The following CCDC150 variants were observed in gnomAD, a reference collection of about 807,000 sequenced individuals.
CCDC150 encodes coiled-coil domain-containing protein 150.
A neutral mutation model predicts 156.5 loss-of-function variants in CCDC150; 151 were observed. The observed-to-expected ratio is 0.97, with a 90% CI of 0.85 to 1.10. The LOEUF (loss-of-function observed/expected upper bound fraction) is 1.10, where lower values mean the gene tolerates loss of function less well. Among genes scored for constraint, CCDC150 ranks in the 50% least tolerant of loss-of-function variants. The pLI, the probability that CCDC150 is intolerant of heterozygous loss-of-function variation, is 0.00. For missense variants in CCDC150, 1,312 were observed against 1,268.1 expected, an observed-to-expected ratio of 1.03 and a Z score of -0.53; for synonymous variants, 452 against 429.4, an observed-to-expected ratio of 1.05 and a Z score of -0.65.
At chr2:196,714,224 G>A (rs924347532) in intron 17 of CCDC150, among the ~76,000 whole-genome samples, 2 of 152,206 alleles carry the variant, frequency 1.3e-5, no homozygotes, top group African/African-American at 4.8e-5. Flanking sequence ...AGGAAGCAGC[G>A]AAAGCAGGGA....
chr2:196,688,492 T>G (rs965552213), intron 13 of CCDC150, among the ~76,000 whole-genome samples: 2 of 152,202 alleles, frequency 1.3e-5, no homozygotes, highest in Non-Finnish European at 2.9e-5. Flanking sequence ...TAAGAAGCTT[T>G]GGGGCTGAGG....
At chr2:196,672,710 G>T (rs150728400) in intron 9 of CCDC150, among the ~76,000 whole-genome samples, 1 of 152,114 alleles carries the variant, frequency 6.6e-6, no homozygotes, top group African/African-American at 2.4e-5. Context: ...TTTCTAATTT[G>T]CTCATTAAAT....
chr2:196,696,054 A>C (rs1243570656), intron 14 of CCDC150, among the ~76,000 whole-genome samples: 1 of 152,242 alleles, frequency 6.6e-6, no homozygotes, highest in Non-Finnish European at 1.5e-5. Flanking sequence ...AAAATTATAC[A>C]GACTAAGTCT....
chr2:196,705,792 C>G (rs1696584764), intron 15 of CCDC150, among the ~76,000 whole-genome samples: 2 of 152,156 alleles, frequency 1.3e-5, no homozygotes, highest in Non-Finnish European at 2.9e-5. Context: ...TTCCCAGCAC[C>G]ATTTATTAAA....
At chr2:196,664,358 C>T (rs1693721681) in intron 5 of CCDC150, among the ~76,000 whole-genome samples, 1 of 152,202 alleles carries the variant, frequency 6.6e-6, no homozygotes, top group Non-Finnish European at 1.5e-5. Flanking sequence ...TGCCCCTCTG[C>T]AAGTTGAAAT....
At chr2:196,718,476 A>T (rs771421087) in intron 17 of CCDC150, 27 bp from the exon 18 acceptor site, 1 of 1,552,756 alleles carries the variant, frequency 6.4e-7, no homozygotes, top group Non-Finnish European at 8.8e-7. Flanking sequence ...TTGTAATGTT[A>T]TTTATTGTTT....
chr2:196,725,828 A>G, intron 21 of CCDC150, 145 bp from the exon 22 acceptor site: 1 of 612,776 alleles, frequency 1.6e-6, no homozygotes. Flanking sequence ...ATGAGCTCCA[A>G]ATTAGTGAGG....
intron 15 of CCDC150, among the ~76,000 whole-genome samples, chr2:196,703,508 C>T (rs1396954115): frequency 2.0e-5 from 3 of 152,100 alleles, no homozygotes; most frequent in Non-Finnish European, 4.4e-5. Flanking sequence ...ATAAGCACAC[C>T]TCTCTTATCT....
In CCDC150 at chr2:196,729,275, A is replaced by G; in HGVS notation, c.2639A>G (p.Glu880Gly). The change falls in exon 23 of 28, where the codon GAG becomes GGG. Residue 880 changes from glutamate (E) to glycine (G), a missense_variant. Transcript: ENST00000389175. ...CGAGAGCTGCGACAGAAACTTGCAG[A>G]GCTAGAAAAAATACTAGAAAGTAAC... ...TNRELRQKLAELEKILESNKE... is the reference protein window; with the variant it reads ...TNRELRQKLAGLEKILESNKE... The G allele has an allele frequency of 3.1e-6, 5 of 1,613,950 alleles. No homozygotes were observed. The highest frequency in any genetic ancestry group is 3.4e-6 in the Non-Finnish European group (4 of 1,179,864).
At chr2:196,675,338 A>G (rs1255543928) in intron 10 of CCDC150, among the ~76,000 whole-genome samples, 2 of 152,150 alleles carry the variant, frequency 1.3e-5, no homozygotes, top group Admixed American at 6.5e-5. Flanking sequence ...TGGACTTATA[A>G]TTCAGTGGAC....
chr2:196,695,297 C>T, intron 14 of CCDC150, 138 bp downstream of exon 14: 1 of 481,062 alleles, frequency 2.1e-6, no homozygotes, highest in South Asian at 4.5e-5. Context: ...TTACAGTATT[C>T]AAACAATAGT....
At position 196,729,214 on chromosome 2, in the gene CCDC150, G is replaced by A. The variant is rs772935695; in HGVS notation, c.2578G>A (p.Ala860Thr). The A allele has an allele frequency of 1.9e-6, 3 of 1,611,418 alleles. No individual in the cohort carries two copies. Among genetic ancestry groups the A allele is most frequent in the Admixed American group, 3.4e-5 (2 of 59,302 alleles). Residue 860 changes from alanine (A) to threonine (T), a missense_variant, in exon 23 of 28, where the codon GCT becomes ACT. By Grantham distance (58) the Ala-to-Thr change is moderately conservative. Transcript: ENST00000389175. Reference sequence around the variant, plus strand: ...TAAGCTGAAGAAAGCCCTTGATGAAGCTAACTTCAGATCAGTGGAAGTGTC... The same window carrying A: ...TAAGCTGAAGAAAGCCCTTGATGAAACTAACTTCAGATCAGTGGAAGTGTC... ...VAELKKALDE[A>T]NFRSVEVSRT... is the part of the protein sequence containing the mutation.
chr2:196,658,863 A>G lies in CCDC150; in HGVS notation c.645+3A>G. On this transcript the variant is annotated splice_donor_region_variant and intron_variant, in intron 5 of 27. Coordinates refer to ENST00000389175, the MANE Select transcript of CCDC150 (RefSeq NM_001080539.2). ...AAATGAACCTTAAAATTCAAGAGGT[A>G]AGACAAAAAGATGGAGGGTGGAGGA... 1 of 1,591,744 alleles carries G rather than the reference A, an allele frequency of 6.3e-7. No individual in the cohort carries two copies. Among genetic ancestry groups the G allele is most frequent in the Non-Finnish European group, 8.6e-7 (1 of 1,165,844 alleles).
At chr2:196,720,719 G>T in intron 20 of CCDC150, 51 bp downstream of exon 20, 1 of 1,470,450 alleles carries the variant, frequency 6.8e-7, no homozygotes, top group South Asian at 1.2e-5. Context: ...TAGTTTTATT[G>T]GGATATTACT....
intron 13 of CCDC150, among the ~76,000 whole-genome samples, chr2:196,693,751 T>C (rs1695631645): frequency 6.6e-6 from 1 of 152,214 alleles, no homozygotes; most frequent in African/African-American, 2.4e-5. Flanking sequence ...TCACTATTAA[T>C]ATTGATATTA....
At chr2:196,686,230 TCTC>T (rs938986052) in intron 13 of CCDC150, 37 of 286,546 alleles carry the variant, frequency 1.3e-4, no homozygotes, top group Non-Finnish European at 1.9e-4. Flanking sequence ...AGGAAAGACT[TCTC>T]CTGGGAATTT....
Position 196,676,611 on chromosome 2 carries a change from G to T in CCDC150, c.1320G>T (p.Lys440Asn). 1 of 1,613,752 alleles carries T rather than the reference G, an allele frequency of 6.2e-7. No homozygotes were observed. Among genetic ancestry groups the T allele is most frequent in the Non-Finnish European group, 8.5e-7 (1 of 1,179,746 alleles). Residue 440 changes from lysine to asparagine, a missense_variant, in exon 12 of 28, where the codon AAG becomes AAT. By Grantham distance (94) the Lys-to-Asn change is moderately conservative. Coordinates refer to ENST00000389175, the MANE Select transcript of CCDC150 (RefSeq NM_001080539.2). ...TCCAGAAAGCACAGGATGCTGAAAA[G>T]AGAACAGCTGTGCAAAAAGAGCTGC... ...QCIQKAQDAE[K>N]RTAVQKELLE...
In CCDC150 at chr2:196,664,088, GA is replaced by G. The variant is rs377326590; in HGVS notation, c.646-1468del. Reference sequence around the variant, plus strand: ...GTCAGTGTGCCTCCAAAACAGGGAAGAAAAAAAAAAAGTGTGTTTTTCTACT... The same window carrying G: ...GTCAGTGTGCCTCCAAAACAGGGAAGAAAAAAAAAAGTGTGTTTTTCTACT... On this transcript the variant is annotated intron_variant, in intron 5 of 27. Coordinates refer to ENST00000389175, the MANE Select transcript of CCDC150 (RefSeq NM_001080539.2). Among the ~76,000 whole-genome samples, 189 of 144,704 alleles carry G rather than the reference GA, an allele frequency of 1.3e-3. 1 individual carries two copies. The East Asian group carries it at 0.02, about 15-fold the overall frequency. 94.9% of individuals were successfully genotyped at this position (144,704 alleles called of 152,430 possible). A position where few individuals can be genotyped will look rare whatever the true frequency, so the allele number is the denominator to read the frequency against.
At chr2:196,722,734 G>C (rs750767860) in intron 21 of CCDC150, among the ~76,000 whole-genome samples, 1 of 151,968 alleles carries the variant, frequency 6.6e-6, no homozygotes, top group Admixed American at 6.6e-5. Flanking sequence ...TTATGTAGTC[G>C]TTGGCAGCAT....
Sources: gnomAD v4.1 joint callset for allele counts (sites outside exome capture counted in the v4.1 genomes callset) on GRCh38, gnomAD v4.1.1 for gene constraint, MANE v1.5 for transcripts, NCBI Gene and HGNC (gene_info 2026-07-23, HGNC 2026-07-21) for gene names.